The following RBFOX1 variants were observed in gnomAD, a reference collection of about 807,000 sequenced individuals.
The protein encoded by RBFOX1 is RNA binding protein fox-1 homolog 1.
A neutral mutation model predicts 57.7 loss-of-function variants in RBFOX1; 8 were observed. That is an observed-to-expected ratio of 0.14 (90% CI 0.08 to 0.25). The LOEUF is 0.25. RBFOX1 is among the 10% of genes least tolerant of loss of function. The pLI, the probability that RBFOX1 is intolerant of heterozygous loss-of-function variation, is 1.00. For missense variants in RBFOX1, 611 were observed against 548.5 expected (o/e 1.11, Z -1.14); for synonymous variants, 326 against 222.4 (o/e 1.47, Z -4.15).
intron 4 of RBFOX1, among the ~76,000 whole-genome samples, chr16:7,430,704 A>G (rs1224584952): frequency 1.3e-5 from 2 of 151,784 alleles, no homozygotes; most frequent in Non-Finnish European, 2.9e-5. Flanking sequence ...TTTCATCAAG[A>G]GTTGCCAGCA....
At chr16:7,592,560 C>T (rs970728618) in intron 7 of RBFOX1, among the ~76,000 whole-genome samples, 12 of 152,132 alleles carry the variant, frequency 7.9e-5, no homozygotes, top group African/African-American at 2.9e-4. Flanking sequence ...CCAGCTATAC[C>T]AGTGGGGCTA....
intron 4 of RBFOX1, among the ~76,000 whole-genome samples, chr16:5,888,917 T>A (rs2057971108): frequency 6.6e-6 from 1 of 151,632 alleles, no homozygotes; most frequent in East Asian, 1.9e-4. Flanking sequence ...TTCAGCTTCA[T>A]AAACCTTCCT....
At chr16:6,516,942 C>T (rs555978788) in intron 2 of RBFOX1, among the ~76,000 whole-genome samples, 3 of 152,168 alleles carry the variant, frequency 2.0e-5, no homozygotes, top group South Asian at 2.1e-4. Flanking sequence ...CCGCTTTCCT[C>T]CACAAATATG....
At chr16:6,990,243 G>C (rs1316030315) in intron 3 of RBFOX1, among the ~76,000 whole-genome samples, 1 of 152,110 alleles carries the variant, frequency 6.6e-6, no homozygotes, top group East Asian at 1.9e-4. Context: ...TCTGATAGTG[G>C]CCAGATAGCG....
intron 4 of RBFOX1, among the ~76,000 whole-genome samples, chr16:7,239,866 G>A (rs186980102): frequency 1.9e-3 from 275 of 148,642 alleles, no homozygotes; most frequent in Admixed American, 3.2e-3. Context: ...TGAAAACTGG[G>A]CCCATAGAGT....
chr16:6,330,832 G>A (rs2082934733), intron 2 of RBFOX1, among the ~76,000 whole-genome samples: 2 of 152,218 alleles, frequency 1.3e-5, no homozygotes, highest in South Asian at 4.1e-4. Context: ...AGGTGATCAA[G>A]GAAGTGATAT....
rs1446971415 is a variant in RBFOX1, at chr16:7,029,188, ATACACATATG to A, written c.-15-22866_-15-22857del. Among the ~76,000 whole-genome samples the A allele has an allele frequency of 3.7e-4, 23 of 62,538 alleles. 1 individual carries two copies. Among genetic ancestry groups the A allele is most frequent in the Non-Finnish European group, 6.8e-4 (15 of 22,118 alleles). 41.0% of individuals were successfully genotyped at this position (62,538 alleles called of 152,430 possible). Reference sequence around the variant, plus strand: ...CATATATATACGTATACGTGTATATATACACATATGTATACGTATACGTATATATATACAC... The same window carrying A: ...CATATATATACGTATACGTGTATATATATACGTATACGTATATATATACAC... On this transcript the variant is annotated intron_variant, in intron 3 of 15. Transcript: ENST00000550418.
chr16:6,281,450 T>A (rs989560030), intron 1 of RBFOX1, among the ~76,000 whole-genome samples: 1 of 152,020 alleles, frequency 6.6e-6, no homozygotes, highest in African/African-American at 2.4e-5. Flanking sequence ...GAATCCCTAA[T>A]TCAGAAAATT....
intron 1 of RBFOX1, among the ~76,000 whole-genome samples, chr16:6,053,773 C>G (rs964633319): frequency 1.3e-5 from 2 of 152,148 alleles, no homozygotes; most frequent in Non-Finnish European, 2.9e-5. Context: ...CCCCCTTAGG[C>G]TGGGCACAGT....
intron 1 of RBFOX1, among the ~76,000 whole-genome samples, chr16:6,072,147 C>G (rs72772849): frequency 0.21 from 32,313 of 152,072 alleles, 4,428 homozygotes; most frequent in Non-Finnish European, 0.3. Context: ...GGCAAGAGAG[C>G]TTGTTCAGGG....
At chr16:6,696,317 A>G (rs370989649) in intron 3 of RBFOX1, among the ~76,000 whole-genome samples, 3 of 151,190 alleles carry the variant, frequency 2.0e-5, no homozygotes, top group African/African-American at 7.3e-5. Context: ...ACTTTTTCTT[A>G]GAAGTTTTCT....
intron 3 of RBFOX1, among the ~76,000 whole-genome samples, chr16:6,861,720 C>T (rs1603633587): frequency 6.6e-6 from 1 of 150,414 alleles, no homozygotes; most frequent in African/African-American, 2.4e-5. Flanking sequence ...GCCCGGAAGT[C>T]TTCAGGATTT....
intron 3 of RBFOX1, among the ~76,000 whole-genome samples, chr16:6,855,724 A>G (rs1392506745): frequency 1.3e-5 from 2 of 151,484 alleles, no homozygotes; most frequent in African/African-American, 4.9e-5. Context: ...TGCACTTCCT[A>G]GATTTATTGG....
At chr16:5,773,416 A>T (rs527378234) in intron 3 of RBFOX1, among the ~76,000 whole-genome samples, 2 of 152,300 alleles carry the variant, frequency 1.3e-5, no homozygotes, top group African/African-American at 4.8e-5. Context: ...AGATCATAGT[A>T]TGCATATTGC....
intron 2 of RBFOX1, among the ~76,000 whole-genome samples, chr16:6,545,837 G>A (rs909773454): frequency 6.6e-6 from 1 of 152,202 alleles, no homozygotes; most frequent in African/African-American, 2.4e-5. Context: ...CCACTCTGGT[G>A]AAAACTTGGA....
intron 1 of RBFOX1, among the ~76,000 whole-genome samples, chr16:6,050,243 A>G (rs1213561418): frequency 8.5e-5 from 13 of 152,180 alleles, no homozygotes; most frequent in African/African-American, 3.1e-4. Context: ...TACAGCTGTG[A>G]GCCACCGTAC....
At chr16:7,630,208 A>G (rs1001702470) in intron 10 of RBFOX1, among the ~76,000 whole-genome samples, 8 of 152,050 alleles carry the variant, frequency 5.3e-5, no homozygotes, top group African/African-American at 1.9e-4. Flanking sequence ...TGAGGCACAG[A>G]GAGGTACAGT....
chr16:6,767,914 C>CAATAATAATAATAATAATAATAAT (rs71408408), intron 3 of RBFOX1, among the ~76,000 whole-genome samples: 1 of 118,026 alleles, frequency 8.5e-6, no homozygotes, highest in African/African-American at 3.2e-5. Flanking sequence ...GACTCTATCT[C>CAATAATAATAATAATAATAATAAT]AATAATAATA....
At chr16:7,274,009 C>A (rs369995001) in intron 4 of RBFOX1, among the ~76,000 whole-genome samples, 7 of 152,158 alleles carry the variant, frequency 4.6e-5, no homozygotes, top group African/African-American at 1.7e-4. Flanking sequence ...ACCCTCCTTT[C>A]CACTAAGTAA....
Sources: allele counts gnomAD v4.1 joint callset (sites outside exome capture counted in the v4.1 genomes callset), GRCh38; gene constraint gnomAD v4.1.1; transcripts MANE v1.5; gene names NCBI Gene and HGNC (gene_info 2026-07-23, HGNC 2026-07-21).